The following KCNIP4 variants were observed in gnomAD, a reference collection of about 807,000 sequenced individuals.
KCNIP4 encodes potassium voltage-gated channel interacting protein 4.
KCNIP4 carries 12 observed loss-of-function variants against 34.0 expected under a neutral mutation model. The observed-to-expected ratio is 0.35, with a 90% CI of 0.23 to 0.57. KCNIP4 has a LOEUF of 0.57. Among genes scored for constraint, KCNIP4 ranks in the 20% least tolerant of loss-of-function variants. The pLI is 0.83. For synonymous variants in KCNIP4, 124 were observed against 102.2 expected, an observed-to-expected ratio of 1.21 and a Z score of -1.29; for missense variants, 238 against 311.7, an observed-to-expected ratio of 0.76 and a Z score of 1.78.
intron 1 of KCNIP4, among the ~76,000 whole-genome samples, chr4:21,404,996 C>G (rs1480228495): frequency 6.6e-6 from 1 of 152,092 alleles, no homozygotes; most frequent in Non-Finnish European, 1.5e-5. Context: ...TTAGCAAGAA[C>G]CTTGATGTCA....
intron 1 of KCNIP4, among the ~76,000 whole-genome samples, chr4:21,554,649 A>C (rs1171939892): frequency 6.6e-6 from 1 of 151,994 alleles, no homozygotes; most frequent in Non-Finnish European, 1.5e-5. Flanking sequence ...GCCCTTCCCC[A>C]GTGTGCCCCC....
chr4:20,761,238 A>C lies in KCNIP4; in HGVS notation c.289-2348T>G, dbSNP rs190373593. 2.6e-5 allele frequency among the ~76,000 whole-genome samples: 4 copies of C among 152,282 alleles called. No homozygotes were observed. The East Asian group carries it at 7.7e-4, about 29-fold the overall frequency. ...CTCCAGCTTGCCAGACCCCTTCATT[A>C]GATATCAAGCTGGCCAAGGCTCCAC... On this transcript the variant is annotated intron_variant, in intron 3 of 8. Transcript: ENST00000382152.
intron 1 of KCNIP4, among the ~76,000 whole-genome samples, chr4:21,310,945 T>C (rs899688107): frequency 6.6e-6 from 1 of 152,104 alleles, no homozygotes; most frequent in Non-Finnish European, 1.5e-5. Context: ...TGCATTTCAA[T>C]AATAATGTGA....
At chr4:21,304,910 T>A (rs937280598) in intron 1 of KCNIP4, among the ~76,000 whole-genome samples, 2 of 152,100 alleles carry the variant, frequency 1.3e-5, no homozygotes, top group Non-Finnish European at 2.9e-5. Context: ...ATTTAATGTG[T>A]CCTTCTATCC....
At chr4:21,341,750 C>A (rs1716786126) in intron 1 of KCNIP4, among the ~76,000 whole-genome samples, 1 of 152,106 alleles carries the variant, frequency 6.6e-6, no homozygotes, top group Non-Finnish European at 1.5e-5. Context: ...AAGTCTTTGG[C>A]AAAGTTTTGG....
At chr4:20,844,964 C>T (rs1720187510) in intron 3 of KCNIP4, among the ~76,000 whole-genome samples, 1 of 152,122 alleles carries the variant, frequency 6.6e-6, no homozygotes, top group African/African-American at 2.4e-5. Context: ...ATAAGCCAAA[C>T]ATGGAGGGTG....
intron 1 of KCNIP4, among the ~76,000 whole-genome samples, chr4:21,227,972 C>T (rs190223951): frequency 1.4e-4 from 22 of 152,212 alleles, no homozygotes; most frequent in African/African-American, 1.7e-4. Flanking sequence ...ATTCATTGTA[C>T]AGTGATACTT....
At chr4:20,963,113 G>T (rs2149663117) in intron 1 of KCNIP4, among the ~76,000 whole-genome samples, 1 of 152,152 alleles carries the variant, frequency 6.6e-6, no homozygotes, top group African/African-American at 2.4e-5. Flanking sequence ...TTGAGGTGAG[G>T]GGTTCGAGAC....
chr4:21,096,952 A>G (rs1035417870), intron 1 of KCNIP4, among the ~76,000 whole-genome samples: 6 of 152,170 alleles, frequency 3.9e-5, no homozygotes, highest in African/African-American at 1.4e-4. Flanking sequence ...TGGACAGACA[A>G]TGGGACAAAG....
rs187099285 is a variant in KCNIP4 at position 21,018,857 on chromosome 4, C to T, written c.62-136148G>A. Among the ~76,000 whole-genome samples the T allele has an allele frequency of 2.0e-5, 3 of 152,242 alleles. No homozygotes were observed. In the East Asian group the frequency reaches 5.8e-4, roughly 29 times the overall value. On this transcript the variant is annotated intron_variant, in intron 1 of 8. Transcript: ENST00000382152. ...TAGAGATATTTCAAGCTGAATTTGT[C>T]TATGAGAGTTTGGATAGGGTTAATT...
chr4:20,805,709 C>T (rs888511657), intron 3 of KCNIP4, among the ~76,000 whole-genome samples: 3 of 152,140 alleles, frequency 2.0e-5, no homozygotes, highest in Non-Finnish European at 4.4e-5. Flanking sequence ...AATACACAGA[C>T]AAGTCCTATA....
chr4:21,850,759 A>T (rs530097470), intron 1 of KCNIP4: 2 of 152,258 alleles, frequency 1.3e-5, no homozygotes, highest in Admixed American at 1.3e-4. Flanking sequence ...CGATAAGATC[A>T]TCTTGAAACT....
At chr4:21,811,563 C>T (rs1721655164) in intron 1 of KCNIP4, among the ~76,000 whole-genome samples, 1 of 152,178 alleles carries the variant, frequency 6.6e-6, no homozygotes, top group Admixed American at 6.5e-5. Context: ...GAGCCTTCCA[C>T]TCATGTTGTG....
chr4:21,357,684 G>A (rs1237271108), intron 1 of KCNIP4, among the ~76,000 whole-genome samples: 1 of 152,182 alleles, frequency 6.6e-6, no homozygotes, highest in African/African-American at 2.4e-5. Flanking sequence ...TGCTGGAGAG[G>A]ATGTGGAGAA....
intron 1 of KCNIP4, among the ~76,000 whole-genome samples, chr4:21,440,637 A>T (rs988464969): frequency 4.0e-5 from 6 of 151,640 alleles, no homozygotes; most frequent in Non-Finnish European, 8.8e-5. Flanking sequence ...CAACATAATT[A>T]CTCTGTATTA....
At chr4:21,485,157 C>A (rs1354441252) in intron 1 of KCNIP4, among the ~76,000 whole-genome samples, 3 of 152,144 alleles carry the variant, frequency 2.0e-5, no homozygotes, top group African/African-American at 7.2e-5. Flanking sequence ...CCCATCAGCT[C>A]ACACTATTAA....
chr4:21,920,085 C>T (rs9994569), intron 1 of KCNIP4, among the ~76,000 whole-genome samples: 38,518 of 152,024 alleles, frequency 0.25, 5,703 homozygotes, highest in East Asian at 0.61. Context: ...ACTGTCTATA[C>T]CGTTCTTGAA....
intron 1 of KCNIP4, among the ~76,000 whole-genome samples, chr4:21,522,167 G>T (rs1176448579): frequency 6.6e-6 from 1 of 151,940 alleles, no homozygotes; most frequent in East Asian, 1.9e-4. Context: ...TTTTACTTCA[G>T]TCTACACATA....
At chr4:21,235,428 G>A (rs960639412) in intron 1 of KCNIP4, among the ~76,000 whole-genome samples, 5 of 152,042 alleles carry the variant, frequency 3.3e-5, no homozygotes, top group Admixed American at 1.3e-4. Context: ...AACATTTGGC[G>A]AGTGCTTCTG....
Sources: allele counts gnomAD v4.1 joint callset (sites outside exome capture counted in the v4.1 genomes callset), GRCh38; gene constraint gnomAD v4.1.1; transcripts MANE v1.5; gene names NCBI Gene and HGNC (gene_info 2026-07-23, HGNC 2026-07-21).